The following RALGPS1 variants were observed in gnomAD, a reference collection of about 807,000 sequenced individuals.
RALGPS1 encodes the protein Ral GEF with PH domain and SH3 binding motif 1.
RALGPS1 carries 19 observed loss-of-function variants against 78.8 expected under a neutral mutation model. The ratio of observed to expected loss-of-function variants is 0.24; its 90% CI spans 0.17 to 0.35. The LOEUF is 0.35. Ranked by LOEUF, RALGPS1 falls within the 10% of genes least tolerant of loss-of-function variation. RALGPS1 has a pLI of 1.00. For missense variants in RALGPS1, 454 were observed against 688.3 expected, an observed-to-expected ratio of 0.66 and a Z score of 3.81; for synonymous variants, 228 against 256.3, an observed-to-expected ratio of 0.89 and a Z score of 1.06.
chr9:127,080,081 A>T (rs1322533010), intron 8 of RALGPS1, among the ~76,000 whole-genome samples: 2 of 152,120 alleles, frequency 1.3e-5, no homozygotes, highest in East Asian at 3.9e-4. Context: ...AGGCTAGAGA[A>T]AGTGGTTGCT....
At chr9:126,968,832 T>A (rs2039796227) in intron 3 of RALGPS1, among the ~76,000 whole-genome samples, 1 of 152,212 alleles carries the variant, frequency 6.6e-6, no homozygotes, top group Admixed American at 6.5e-5. Context: ...GTGGATCACC[T>A]GAGGTCGGGA....
chr9:127,141,616 C>CAAAAAAAAAAAAAA (rs61291398), intron 8 of RALGPS1, among the ~76,000 whole-genome samples: 14 of 68,648 alleles, frequency 2.0e-4, no homozygotes, highest in African/African-American at 3.9e-4. Flanking sequence ...TTTTTAATGG[C>CAAAAAAAAAAAAAA]AAAAAAAAAA....
At chr9:127,021,066 C>T (rs554289289) in intron 4 of RALGPS1, among the ~76,000 whole-genome samples, 45 of 152,166 alleles carry the variant, frequency 3.0e-4, no homozygotes, top group African/African-American at 1.0e-3. Flanking sequence ...CTTTAGTTTT[C>T]TCTGAGTGTT....
At chr9:127,114,090 A>G (rs928678597) in intron 8 of RALGPS1, among the ~76,000 whole-genome samples, 1 of 152,116 alleles carries the variant, frequency 6.6e-6, no homozygotes, top group African/African-American at 2.4e-5. Context: ...CTTTATATAC[A>G]TTATCTCACT....
At chr9:126,976,498 C>T (rs562348377) in intron 3 of RALGPS1, among the ~76,000 whole-genome samples, 2 of 152,026 alleles carry the variant, frequency 1.3e-5, no homozygotes, top group Non-Finnish European at 2.9e-5. Flanking sequence ...TGTCAGGTGC[C>T]AGGAACGCTA....
intron 8 of RALGPS1, among the ~76,000 whole-genome samples, chr9:127,113,003 C>T (rs1209099271): frequency 1.3e-5 from 2 of 152,142 alleles, no homozygotes. Flanking sequence ...GGTCATGTTG[C>T]GAGCAGTGGG....
chr9:127,053,046 A>T, intron 7 of RALGPS1, 107 bp downstream of exon 7: 1 of 818,028 alleles, frequency 1.2e-6, no homozygotes, highest in Admixed American at 2.0e-5. Context: ...CTTTGCCAAC[A>T]ACAGAGTTAC....
chr9:126,916,156 G>A (rs1283859545), intron 1 of RALGPS1, among the ~76,000 whole-genome samples: 2 of 152,200 alleles, frequency 1.3e-5, no homozygotes, highest in East Asian at 1.9e-4. Context: ...GGGCAGGTTG[G>A]ATTCAGGGAC....
At chr9:127,209,702 G>A (rs964579210) in intron 14 of RALGPS1, among the ~76,000 whole-genome samples, 1 of 152,168 alleles carries the variant, frequency 6.6e-6, no homozygotes, top group Non-Finnish European at 1.5e-5. Context: ...GTGGACCCGA[G>A]ATGGCCATCA....
intron 1 of RALGPS1, among the ~76,000 whole-genome samples, chr9:126,948,585 C>T (rs1050701711): frequency 1.3e-4 from 20 of 152,016 alleles, no homozygotes; most frequent in African/African-American, 4.6e-4. Context: ...GTTAGGCATC[C>T]CTGGGCTGGA....
At chr9:127,042,273 A>G (rs1319532903) in intron 5 of RALGPS1, among the ~76,000 whole-genome samples, 1 of 152,138 alleles carries the variant, frequency 6.6e-6, no homozygotes, top group Non-Finnish European at 1.5e-5. Context: ...TAACAATAAT[A>G]GTGTTAATAA....
intron 8 of RALGPS1, among the ~76,000 whole-genome samples, chr9:127,100,787 G>C (rs553085171): frequency 6.6e-6 from 1 of 152,230 alleles, no homozygotes; most frequent in East Asian, 1.9e-4. Context: ...TAGTTGGCGA[G>C]TGTATTAACC....
chr9:127,133,872 C>T (rs1192181145), intron 8 of RALGPS1, among the ~76,000 whole-genome samples: 1 of 152,020 alleles, frequency 6.6e-6, no homozygotes, highest in African/African-American at 2.4e-5. Context: ...TATCTTTGGG[C>T]CCCCAGCACC....
intron 8 of RALGPS1, among the ~76,000 whole-genome samples, chr9:127,100,652 C>G (rs987986170): frequency 2.0e-5 from 3 of 152,160 alleles, no homozygotes; most frequent in African/African-American, 7.2e-5. Flanking sequence ...CAGGGTTCCA[C>G]AGGCACACTA....
chr9:126,963,287 ACTT>A (rs1195593199), intron 2 of RALGPS1, among the ~76,000 whole-genome samples: 3 of 152,138 alleles, frequency 2.0e-5, no homozygotes, highest in Non-Finnish European at 4.4e-5. Context: ...GAGGAGTCAG[ACTT>A]CTATTTCCAT....
At chr9:127,124,711 A>G (rs1252141291) in intron 8 of RALGPS1, among the ~76,000 whole-genome samples, 1 of 152,192 alleles carries the variant, frequency 6.6e-6, no homozygotes, top group Non-Finnish European at 1.5e-5. Context: ...CTTGTTAGAG[A>G]GGTGGAACTT....
intron 4 of RALGPS1, among the ~76,000 whole-genome samples, chr9:127,011,198 A>T (rs1413420081): frequency 3.3e-5 from 5 of 150,994 alleles, no homozygotes. Flanking sequence ...TTTTTTTGAG[A>T]TGGAGTTTTG....
intron 8 of RALGPS1, among the ~76,000 whole-genome samples, chr9:127,147,079 G>A (rs1021867531): frequency 1.3e-5 from 2 of 152,124 alleles, no homozygotes; most frequent in African/African-American, 4.8e-5. Context: ...ATTCTGACTG[G>A]TGTGAAATGG....
At chr9:126,931,596 A>G (rs1374705626) in intron 1 of RALGPS1, among the ~76,000 whole-genome samples, 1 of 152,178 alleles carries the variant, frequency 6.6e-6, no homozygotes, top group Non-Finnish European at 1.5e-5. Context: ...ACGTAGATTC[A>G]TAGTTGCTGG....
Sources: allele counts gnomAD v4.1 joint callset (sites outside exome capture counted in the v4.1 genomes callset), GRCh38; gene constraint gnomAD v4.1.1; transcripts MANE v1.5; gene names NCBI Gene and HGNC (gene_info 2026-07-23, HGNC 2026-07-21).